The following CNNM2 variants were observed in gnomAD, a reference collection of about 807,000 sequenced individuals.
CNNM2 encodes the protein metal transporter CNNM2.
Under a neutral mutation model 66.9 loss-of-function variants are expected in CNNM2, and 12 were observed. The observed-to-expected ratio is 0.18, with a 90% CI of 0.11 to 0.29. CNNM2 has a LOEUF of 0.29. Ranked by LOEUF, CNNM2 falls within the 10% of genes least tolerant of loss-of-function variation. CNNM2 has a pLI of 1.00. For synonymous variants in CNNM2, 557 were observed against 501.8 expected (o/e 1.11, Z -1.47); for missense variants, 705 against 1,167.7 (o/e 0.60, Z 5.77).
At position 103,081,936 on chromosome 10, in the gene CNNM2, C is replaced by T. The variant is rs375170038; in HGVS notation, c.*4756C>T. ...GTGGTTGGCTCAGCTCAAGTAAGCA[C>T]GTTCTCTCTGTATGCTAGAGCTACT... is the stretch of plus-strand genomic sequence containing the variant. On this transcript the variant is annotated 3_prime_UTR_variant, in exon 8 of 8. Transcript: ENST00000369878. 2.0e-5 allele frequency: 3 copies of T among 152,214 alleles called. No homozygotes were observed. Among genetic ancestry groups the T allele is most frequent in the South Asian group, 2.1e-4 (1 of 4,834 alleles). The allele number at this position is 152,214 out of a possible 1,614,324, so 9.4% of individuals were successfully genotyped here.
chr10:102,970,393 A>G (rs1295778090), intron 1 of CNNM2, among the ~76,000 whole-genome samples: 1 of 152,238 alleles, frequency 6.6e-6, no homozygotes, highest in Non-Finnish European at 1.5e-5. Flanking sequence ...GAATACAGCC[A>G]TGCCTATTCA....
intron 1 of CNNM2, among the ~76,000 whole-genome samples, chr10:103,040,431 G>T (rs2065019107): frequency 6.6e-6 from 1 of 151,996 alleles, no homozygotes; most frequent in Non-Finnish European, 1.5e-5. Context: ...TTGCAGTGTG[G>T]TGATGCCTTT....
intron 1 of CNNM2, among the ~76,000 whole-genome samples, chr10:102,950,428 G>A (rs921925930): frequency 1.3e-5 from 2 of 152,126 alleles, no homozygotes; most frequent in Non-Finnish European, 2.9e-5. Flanking sequence ...TAGTTATTTA[G>A]TATGATATTA....
Position 102,919,849 on chromosome 10 carries a change from T to C in CNNM2, c.1369T>C (p.Phe457Leu). ...CGTGATGACCCCACTCCGGGACTGCTTCATGATCACCGGCGAAGCCATCCT... is the reference window on the plus strand; with the variant it reads ...CGTGATGACCCCACTCCGGGACTGCCTCATGATCACCGGCGAAGCCATCCT... ...EDVMTPLRDC[F>L]MITGEAILDF... Residue 457 changes from phenylalanine (F) to leucine (L), a missense_variant, in exon 1 of 8, where the codon TTC (phenylalanine) becomes CTC (leucine). This residue lies in a region of CNNM2 where 171 missense variants were observed against 304.8 expected (regional missense o/e 0.56). Coordinates refer to ENST00000369878, the MANE Select transcript of CNNM2 (RefSeq NM_017649.5). 6.2e-7 allele frequency: 1 copy of C among 1,614,190 alleles called. No homozygotes were observed. Among genetic ancestry groups the C allele is most frequent in the Non-Finnish European group, 8.5e-7 (1 of 1,180,022 alleles).
Position 102,928,700 on chromosome 10 carries a change from A to G in CNNM2, c.1621+8599A>G, listed in dbSNP as rs539902144. Among the ~76,000 whole-genome samples the G allele has an allele frequency of 1.4e-4, 21 of 152,224 alleles. No homozygotes were observed. In the South Asian group the frequency reaches 4.4e-3, roughly 32 times the overall value. On this transcript the variant is annotated intron_variant, in intron 1 of 7. Coordinates refer to ENST00000369878, the MANE Select transcript of CNNM2 (RefSeq NM_017649.5). The stretch of plus-strand genomic sequence containing the variant: ...CATATGGCATCCTCACATAGCAGAG[A>G]AATGGAAGGTGAAAAGGGCCTAAGC...
At chr10:103,074,973 TAAG>T (rs2065664038) in intron 6 of CNNM2, among the ~76,000 whole-genome samples, 1 of 152,186 alleles carries the variant, frequency 6.6e-6, no homozygotes, top group African/African-American at 2.4e-5. Flanking sequence ...AGAAGAGACT[TAAG>T]GAGACCATCA....
chr10:103,046,951 T>C (rs1283526598), intron 1 of CNNM2, among the ~76,000 whole-genome samples: 2 of 152,226 alleles, frequency 1.3e-5, no homozygotes, highest in Non-Finnish European at 2.9e-5. Flanking sequence ...ACCTTTGGAC[T>C]CTTACATTAA....
At chr10:103,067,551 TTGTAAAGGATGCCTCACACAGTTGTAG>T (rs1348788474) in intron 4 of CNNM2, among the ~76,000 whole-genome samples, 1 of 152,222 alleles carries the variant, frequency 6.6e-6, no homozygotes, top group Non-Finnish European at 1.5e-5. Flanking sequence ...TGTTCACCCA[TTGTAAAGGATGCCTCACACAGTTGTAG>T]TAATGGGAAC....
intron 1 of CNNM2, among the ~76,000 whole-genome samples, chr10:102,950,542 G>T (rs1233368798): frequency 6.6e-6 from 1 of 152,026 alleles, no homozygotes; most frequent in African/African-American, 2.4e-5. Context: ...CGGGAGGATT[G>T]CTTGGAGCTA....
intron 1 of CNNM2, among the ~76,000 whole-genome samples, chr10:102,952,232 C>G (rs1192607705): frequency 6.6e-6 from 1 of 152,066 alleles, no homozygotes; most frequent in Non-Finnish European, 1.5e-5. Flanking sequence ...TGAGCCACCA[C>G]GCTGGCCAGA....
chr10:103,060,528 G>A lies in CNNM2; in HGVS notation c.2073+3564G>A, dbSNP rs369377757. Among the ~76,000 whole-genome samples, 10 of 152,304 alleles carry A rather than the reference G, an allele frequency of 6.6e-5. No homozygotes were observed. In the South Asian group the frequency reaches 2.1e-3, roughly 32 times the overall value. ...CCACTGCACTCCAGCCTGAGGGACA[G>A]AGTGAGACCCCCATCTCCAAACAAA... On this transcript the variant is annotated intron_variant, in intron 4 of 7. Coordinates refer to ENST00000369878, the MANE Select transcript of CNNM2 (RefSeq NM_017649.5).
At chr10:103,031,838 C>CG (rs5787480) in intron 1 of CNNM2, among the ~76,000 whole-genome samples, 2 of 142,846 alleles carry the variant, frequency 1.4e-5, no homozygotes, top group Non-Finnish European at 3.1e-5. Context: ...GTACAAAATG[C>CG]GGGGGGGGCG....
chr10:103,071,939 G>A (rs2065591052), intron 6 of CNNM2, 100 bp downstream of exon 6: 1 of 998,956 alleles, frequency 1.0e-6, no homozygotes. Flanking sequence ...TGGACAGGCT[G>A]TTTTCAGTGT....
rs966107132 is a variant in CNNM2, at chr10:103,083,845, TATA to T, written c.*6666_*6668del. 1.3e-5 allele frequency: 2 copies of T among 152,180 alleles called. No individual in the cohort carries two copies. The highest frequency in any genetic ancestry group is 4.8e-5 in the African/African-American group (2 of 41,434). 9.4% of individuals were successfully genotyped at this position (152,180 alleles called of 1,614,324 possible). A position where few individuals can be genotyped will look rare whatever the true frequency, so the allele number is the denominator to read the frequency against. The stretch of plus-strand genomic sequence containing the variant: ...TGGCTCTTGAAAACAAGGATGGCTT[TATA>T]GGTCCTCCTCTGCTATGCTAAGCCT... On this transcript the variant is annotated 3_prime_UTR_variant, in exon 8 of 8. Transcript: ENST00000369878.
At chr10:103,049,592 C>CA in intron 1 of CNNM2, 115 bp from the exon 2 acceptor site, 1 of 1,003,408 alleles carries the variant, frequency 1.0e-6, no homozygotes, top group Non-Finnish European at 1.5e-6. Flanking sequence ...AATGCTGAAA[C>CA]AGAGATTTTG....
In CNNM2 at chr10:102,919,242, C is replaced by T. The variant is rs1185345774; in HGVS notation, c.762C>T (p.Pro254=). The T allele has an allele frequency of 3.1e-6, 5 of 1,613,642 alleles. No homozygotes were observed. The highest frequency in any genetic ancestry group is 1.3e-5 in the African/African-American group (1 of 75,070). ...GCGAAGAGAAGAAGTTCCTGCTGCC[C>T]TTCTGGCTGCAGGTGATCTTCATTT... ...IVGEEKKFLL[P]FWLQVIFISL... The change falls in exon 1 of 8, where the codon CCC becomes CCT. Residue 254 remains proline, a synonymous_variant. Coordinates refer to ENST00000369878, the MANE Select transcript of CNNM2 (RefSeq NM_017649.5).
chr10:103,017,127 T>C (rs914635981), intron 1 of CNNM2, among the ~76,000 whole-genome samples: 5 of 152,166 alleles, frequency 3.3e-5, no homozygotes, highest in Non-Finnish European at 5.9e-5. Context: ...TTAAGCTTGG[T>C]GGTAAGAACG....
rs1317690910 is a variant in CNNM2 at position 102,918,387 on chromosome 10, C to A, written c.-94C>A. On this transcript the variant is annotated 5_prime_UTR_variant, in exon 1 of 8. Coordinates refer to ENST00000369878, the MANE Select transcript of CNNM2 (RefSeq NM_017649.5). The surrounding 1 kb of genome is among the most constrained non-coding windows in gnomAD (Gnocchi z 4.1). ...GGGAGGCGAACTGCTGAGCACTGGC[C>A]GCGGACGCTCCGTTGCAGTCTCGCC... 3 of 1,525,014 alleles carry A rather than the reference C, an allele frequency of 2.0e-6. No homozygotes were observed. Among genetic ancestry groups the A allele is most frequent in the African/African-American group, 2.8e-5 (2 of 71,028 alleles). The allele number at this position is 1,525,014 out of a possible 1,614,324, so 94.5% of individuals were successfully genotyped here. A position where few individuals can be genotyped will look rare whatever the true frequency, so the allele number is the denominator to read the frequency against.
chr10:102,975,927 T>C (rs1314617174), intron 1 of CNNM2, among the ~76,000 whole-genome samples: 1 of 152,158 alleles, frequency 6.6e-6, no homozygotes, highest in Non-Finnish European at 1.5e-5. Flanking sequence ...GTTTTCACCA[T>C]AGGGGAGAAG....
Sources: gnomAD v4.1 joint callset for allele counts (sites outside exome capture counted in the v4.1 genomes callset) on GRCh38, gnomAD v4.1.1 for gene constraint, gnomAD v4.1.1 regional missense constraint, Gnocchi (gnomAD v3.1) non-coding constraint, MANE v1.5 for transcripts, NCBI Gene and HGNC (gene_info 2026-07-23, HGNC 2026-07-21) for gene names.